Variants in ABCG4 observed in about 807,000 individuals in gnomAD.
ABCG4 encodes the protein ATP-binding cassette sub-family G member 4.
Under a neutral mutation model 64.6 loss-of-function variants are expected in ABCG4, and 35 were observed. The observed-to-expected ratio is 0.54, with a 90% CI of 0.41 to 0.72. The LOEUF (loss-of-function observed/expected upper bound fraction) is 0.72. Ranked by LOEUF, ABCG4 falls within the 30% of genes least tolerant of loss-of-function variation. ABCG4 has a pLI of 0.00. For missense variants in ABCG4, 610 were observed against 846.3 expected, an observed-to-expected ratio of 0.72 and a Z score of 3.46; for synonymous variants, 326 against 348.2, an observed-to-expected ratio of 0.94 and a Z score of 0.71.
In ABCG4 at chr11:119,154,590, G is replaced by T; in HGVS notation, c.540+15G>T. On this transcript the variant is annotated intron_variant, in intron 5 of 14. Transcript: ENST00000619701. This position sits in a 1 kb window ranked among gnomAD's most constrained non-coding sequence, Gnocchi z 7.0. ...AGAAGGAGCTGGTGAGTGGGGAAGGGAGGCAGTGGGACCACTCCCTTTTGT... is the reference window on the plus strand; with the variant it reads ...AGAAGGAGCTGGTGAGTGGGGAAGGTAGGCAGTGGGACCACTCCCTTTTGT... 6.2e-7 allele frequency: 1 copy of T among 1,611,998 alleles called. No homozygotes were observed. The highest frequency in any genetic ancestry group is 8.5e-7 in the Non-Finnish European group (1 of 1,179,340).
Position 119,160,779 on chromosome 11 carries a change from C to G in ABCG4, c.1716-102C>G. The G allele has an allele frequency of 6.7e-7, 1 of 1,493,976 alleles. No individual in the cohort carries two copies. Among genetic ancestry groups the G allele is most frequent in the Middle Eastern group, 1.7e-4 (1 of 5,736 alleles). 92.5% of individuals were successfully genotyped at this position (1,493,976 alleles called of 1,614,324 possible). On this transcript the variant is annotated intron_variant, in intron 14 of 14. Transcript: ENST00000619701. The surrounding 1 kb of genome is among the most constrained non-coding windows in gnomAD (Gnocchi z 4.6). ...TATCCTTTGGGCAGGGGCACCCTGGCTGCACCCCAGGGATGACAGCATTGC... is the reference window on the plus strand; with the variant it reads ...TATCCTTTGGGCAGGGGCACCCTGGGTGCACCCCAGGGATGACAGCATTGC...
Position 119,150,034 on chromosome 11 carries a change from G to A in ABCG4, c.69G>A (p.Thr23=), listed in dbSNP as rs190001554. 13 of 1,613,342 alleles carry A rather than the reference G, an allele frequency of 8.1e-6. No homozygotes were observed. The highest frequency in any genetic ancestry group is 1.0e-5 in the Non-Finnish European group (12 of 1,180,006). Residue 23 remains threonine (T), a synonymous_variant, in exon 2 of 15, where the codon ACG becomes ACA. Transcript: ENST00000619701. This position sits in a 1 kb window ranked among gnomAD's most constrained non-coding sequence, Gnocchi z 4.3. ...CGGGGGCTGTGGCCATGGCCGTGAC[G>A]CTGGAGGACGGGGCGGAACCCCCTG... The part of the protein sequence containing the change: ...LGPGAVAMAV[T]LEDGAEPPVL...
At chr11:119,152,087 C>A (rs1948199510) in intron 2 of ABCG4, among the ~76,000 whole-genome samples, 1 of 152,208 alleles carries the variant, frequency 6.6e-6, no homozygotes. Context: ...TCTTCTCCTG[C>A]AAGAGATCAC....
Position 119,156,722 on chromosome 11 carries a change from C to T in ABCG4, c.925+44C>T. ...GTAGGGGCTGGGAAACAGCAGTGGG[C>T]CGAACCTGGGGTCTCTGGTCTTGCA... On this transcript the variant is annotated intron_variant, in intron 8 of 14. Transcript: ENST00000619701. The surrounding 1 kb of genome is among the most constrained non-coding windows in gnomAD (Gnocchi z 5.5). 6.2e-7 allele frequency: 1 copy of T among 1,606,418 alleles called. No individual in the cohort carries two copies. Among genetic ancestry groups the T allele is most frequent in the Non-Finnish European group, 8.5e-7 (1 of 1,173,270 alleles).
At position 119,154,200 on chromosome 11, in the gene ABCG4, G is replaced by T. The variant is rs1948232206; in HGVS notation, c.356+57G>T. On this transcript the variant is annotated intron_variant, in intron 3 of 14. Coordinates refer to ENST00000619701, the MANE Select transcript of ABCG4 (RefSeq NM_022169.5). This position sits in a 1 kb window ranked among gnomAD's most constrained non-coding sequence, Gnocchi z 7.0. The stretch of plus-strand genomic sequence containing the variant: ...GGACTCAGGAAGAAGTATCCCTTGG[G>T]GAACACAGAAGGTATTCTGAAAGGG... 6 of 1,613,142 alleles carry T rather than the reference G, an allele frequency of 3.7e-6. No homozygotes were observed. The highest frequency in any genetic ancestry group is 5.1e-6 in the Non-Finnish European group (6 of 1,179,262).
chr11:119,160,978 A>G lies in ABCG4; in HGVS notation c.1813A>G (p.Ile605Val), dbSNP rs774166783. Residue 605 changes from isoleucine (I) to valine (V), a missense_variant, in exon 15 of 15, where the codon ATC becomes GTC. Physicochemically the swap from Ile to Val is conservative, Grantham distance 29 (BLOSUM62 3). Coordinates refer to ENST00000619701, the MANE Select transcript of ABCG4 (RefSeq NM_022169.5). The surrounding 1 kb of genome is among the most constrained non-coding windows in gnomAD (Gnocchi z 4.6). ...ERCPFREPQS[I>V]LRALDVEDAK... Reference sequence around the variant, plus strand: ...CTGCCCGTTCCGGGAGCCACAGAGCATCCTCCGAGCGCTGGATGTGGAGGA... The same window carrying G: ...CTGCCCGTTCCGGGAGCCACAGAGCGTCCTCCGAGCGCTGGATGTGGAGGA... 1.9e-6 allele frequency: 3 copies of G among 1,613,994 alleles called. No individual in the cohort carries two copies. In the African/African-American group the frequency reaches 4.0e-5, roughly 22 times the overall value.
Position 119,158,758 on chromosome 11 carries a change from G to A in ABCG4, c.1336+33G>A, listed in dbSNP as rs1199021514. On this transcript the variant is annotated intron_variant, in intron 11 of 14. Transcript: ENST00000619701. This position sits in a 1 kb window ranked among gnomAD's most constrained non-coding sequence, Gnocchi z 4.5. The stretch of plus-strand genomic sequence containing the variant: ...GAGCTGCCCTGGGCATGGGGCAAGG[G>A]TGTGGGTGCTGGGGCTTGGGGCAGG... 2 of 1,614,062 alleles carry A rather than the reference G, an allele frequency of 1.2e-6. No homozygotes were observed. Among genetic ancestry groups the A allele is most frequent in the East Asian group, 4.5e-5 (2 of 44,898 alleles).
chr11:119,150,323 T>A lies in ABCG4; in HGVS notation c.238+120T>A. ...GCACCAGTGGGCTCTGTGGAAACAC[T>A]AAAATCTGGGCCCCAGCCCGTTGCT... On this transcript the variant is annotated intron_variant, in intron 2 of 14. Transcript: ENST00000619701. The surrounding 1 kb of genome is among the most constrained non-coding windows in gnomAD (Gnocchi z 4.3). 1.4e-6 allele frequency: 2 copies of A among 1,389,978 alleles called. No individual in the cohort carries two copies. The highest frequency in any genetic ancestry group is 1.9e-6 in the Non-Finnish European group (2 of 1,027,936). 86.1% of individuals were successfully genotyped at this position (1,389,978 alleles called of 1,614,324 possible).
At chr11:119,151,087 A>G (rs1592301903) in intron 2 of ABCG4, among the ~76,000 whole-genome samples, 1 of 152,176 alleles carries the variant, frequency 6.6e-6, no homozygotes, top group East Asian at 1.9e-4. Flanking sequence ...AGTGACCAAA[A>G]GGTCACATGG....
At position 119,156,199 on chromosome 11, in the gene ABCG4, T is replaced by C; in HGVS notation, c.687-130T>C. On this transcript the variant is annotated intron_variant, in intron 6 of 14. Transcript: ENST00000619701. This position sits in a 1 kb window ranked among gnomAD's most constrained non-coding sequence, Gnocchi z 5.5. ...CTCCAAGTGCCTGAACCGTAAAGGA[T>C]ACAGATGCGGCCAGAGTGCCCTCTT... The C allele has an allele frequency of 7.9e-7, 1 of 1,264,622 alleles. No homozygotes were observed. Among genetic ancestry groups the C allele is most frequent in the Non-Finnish European group, 1.1e-6 (1 of 891,388 alleles). 78.3% of individuals were successfully genotyped at this position (1,264,622 alleles called of 1,614,324 possible). A position where few individuals can be genotyped will look rare whatever the true frequency, so the allele number is the denominator to read the frequency against.
chr11:119,159,106 T>C (rs1050356457), intron 12 of ABCG4, among the ~76,000 whole-genome samples, 177 bp downstream of exon 12: 1 of 152,248 alleles, frequency 6.6e-6, no homozygotes, highest in Non-Finnish European at 1.5e-5. Flanking sequence ...CCTAGGGATA[T>C]AGCATTGAAC....
In ABCG4 at chr11:119,160,532, C is replaced by T. The variant is rs1266818960; in HGVS notation, c.1597-6C>T. 6.2e-7 allele frequency: 1 copy of T among 1,609,502 alleles called. No homozygotes were observed. Among genetic ancestry groups the T allele is most frequent in the East Asian group, 2.2e-5 (1 of 44,880 alleles). On this transcript the variant is annotated splice_region_variant and splice_polypyrimidine_tract_variant and intron_variant, in intron 13 of 14. Coordinates refer to ENST00000619701, the MANE Select transcript of ABCG4 (RefSeq NM_022169.5). This position sits in a 1 kb window ranked among gnomAD's most constrained non-coding sequence, Gnocchi z 4.6. ...TGATGGCCTGGCCCCCTCCCTTCCC[C>T]TCTAGGTGGCCACTTTTGTGGGCCC... is the stretch of plus-strand genomic sequence containing the variant.
intron 2 of ABCG4, among the ~76,000 whole-genome samples, chr11:119,151,361 C>A (rs539784517): frequency 7.9e-5 from 12 of 152,304 alleles, no homozygotes; most frequent in African/African-American, 2.9e-4. Context: ...ACCTTGCCAG[C>A]CTCATTCTGC....
Position 119,154,234 on chromosome 11 carries a change from C to T in ABCG4, c.357-26C>T. On this transcript the variant is annotated intron_variant, in intron 3 of 14. Coordinates refer to ENST00000619701, the MANE Select transcript of ABCG4 (RefSeq NM_022169.5). The surrounding 1 kb of genome is among the most constrained non-coding windows in gnomAD (Gnocchi z 7.0). ...AAGGTATTCTGAAAGGGCATTGACCCCCATCCTCAACCCACATCCCTGCAG... is the reference window on the plus strand; with the variant it reads ...AAGGTATTCTGAAAGGGCATTGACCTCCATCCTCAACCCACATCCCTGCAG... The T allele has an allele frequency of 6.2e-7, 1 of 1,613,558 alleles. No homozygotes were observed. The highest frequency in any genetic ancestry group is 8.5e-7 in the Non-Finnish European group (1 of 1,179,564).
chr11:119,160,840 C>T lies in ABCG4; in HGVS notation c.1716-41C>T, dbSNP rs1314115331. 1 of 1,586,522 alleles carries T rather than the reference C, an allele frequency of 6.3e-7. No individual in the cohort carries two copies. The highest frequency in any genetic ancestry group is 1.1e-5 in the South Asian group (1 of 89,452). ...TGGCAGTTTTCTCAGAGAGCAGGGA[C>T]CCTGTGTGCTGTATCCCATCTGATA... On this transcript the variant is annotated intron_variant, in intron 14 of 14. Transcript: ENST00000619701. This position sits in a 1 kb window ranked among gnomAD's most constrained non-coding sequence, Gnocchi z 4.6.
Position 119,149,850 on chromosome 11 carries a change from G to A in ABCG4, c.-12-104G>A, listed in dbSNP as rs1012675186. On this transcript the variant is annotated intron_variant, in intron 1 of 14. Coordinates refer to ENST00000619701, the MANE Select transcript of ABCG4 (RefSeq NM_022169.5). This position sits in a 1 kb window ranked among gnomAD's most constrained non-coding sequence, Gnocchi z 8.3. ...GGGCTAACAGTCGCGGATCTGCCCC[G>A]AGAAGGAGGTGGGCAGTGGGGGCGG... 39 of 1,452,684 alleles carry A rather than the reference G, an allele frequency of 2.7e-5. No homozygotes were observed. Among genetic ancestry groups the A allele is most frequent in the Non-Finnish European group, 3.5e-5 (39 of 1,099,160 alleles). The allele number at this position is 1,452,684 out of a possible 1,614,324, so 90.0% of individuals were successfully genotyped here. A position where few individuals can be genotyped will look rare whatever the true frequency, so the allele number is the denominator to read the frequency against.
At chr11:119,153,959 C>G (rs957776555) in intron 2 of ABCG4, 67 bp from the exon 3 acceptor site, 3 of 1,379,426 alleles carry the variant, frequency 2.2e-6, no homozygotes, top group Non-Finnish European at 3.1e-6. Flanking sequence ...ATGGCTGCTC[C>G]TAAGAATTTT....
Position 119,154,837 on chromosome 11 carries a change from G to A in ABCG4, c.608G>A (p.Gly203Asp). Reference sequence around the variant, plus strand: ...CACACGAGGACAGCCCTGCTCTCTGGCGGGCAGAGGAAGCGTCTGGCCATC... The same window carrying A: ...CACACGAGGACAGCCCTGCTCTCTGACGGGCAGAGGAAGCGTCTGGCCATC... ...CSHTRTALLSGGQRKRLAIAL... is the reference protein window; with the variant it reads ...CSHTRTALLSDGQRKRLAIAL... Residue 203 changes from glycine (G) to aspartate (D), a missense_variant, in exon 6 of 15, where the codon GGC becomes GAC. Coordinates refer to ENST00000619701, the MANE Select transcript of ABCG4 (RefSeq NM_022169.5). The surrounding 1 kb of genome is among the most constrained non-coding windows in gnomAD (Gnocchi z 7.0). 1.9e-6 allele frequency: 3 copies of A among 1,614,096 alleles called. No homozygotes were observed. The highest frequency in any genetic ancestry group is 2.5e-6 in the Non-Finnish European group (3 of 1,179,928).
Position 119,150,307 on chromosome 11 carries a change from G to C in ABCG4, c.238+104G>C. 1 of 1,469,830 alleles carries C rather than the reference G, an allele frequency of 6.8e-7. No individual in the cohort carries two copies. The highest frequency in any genetic ancestry group is 2.1e-5 in the Admixed American group (1 of 48,226). The allele number at this position is 1,469,830 out of a possible 1,614,324, so 91.0% of individuals were successfully genotyped here. On this transcript the variant is annotated intron_variant, in intron 2 of 14. Coordinates refer to ENST00000619701, the MANE Select transcript of ABCG4 (RefSeq NM_022169.5). The surrounding 1 kb of genome is among the most constrained non-coding windows in gnomAD (Gnocchi z 4.3). ...ATGTTCGGAAAGTCCTGCACCAGTG[G>C]GCTCTGTGGAAACACTAAAATCTGG...
Sources: gnomAD v4.1 joint callset for allele counts (sites outside exome capture counted in the v4.1 genomes callset) on GRCh38, gnomAD v4.1.1 for gene constraint, Gnocchi (gnomAD v3.1) non-coding constraint, MANE v1.5 for transcripts, NCBI Gene and HGNC (gene_info 2026-07-23, HGNC 2026-07-21) for gene names.